Variants in SCUBE1 observed in about 807,000 individuals in gnomAD.
The protein encoded by SCUBE1 is signal peptide, CUB domain and EGF like domain containing 1.
In SCUBE1, 59 loss-of-function variants were observed where a neutral mutation model predicts 124.4. The ratio of observed to expected loss-of-function variants is 0.47; its 90% CI spans 0.38 to 0.59. The LOEUF is 0.59. Among genes scored for constraint, SCUBE1 ranks in the 20% least tolerant of loss-of-function variants. SCUBE1 has a pLI of 0.00. For synonymous variants in SCUBE1, 545 were observed against 550.9 expected (o/e 0.99, Z 0.15); for missense variants, 1,150 against 1,371.2 (o/e 0.84, Z 2.55).
At chr22:43,220,403 G>A (rs781342566) in intron 14 of SCUBE1, 47 bp downstream of exon 14, 25 of 1,592,624 alleles carry the variant, frequency 1.6e-5, no homozygotes, top group African/African-American at 2.7e-5. Context: ...CCAGCCTGTC[G>A]TCCTCCTTCA....
chr22:43,302,396 C>G (rs1925807696), intron 3 of SCUBE1, among the ~76,000 whole-genome samples: 1 of 152,194 alleles, frequency 6.6e-6, no homozygotes, highest in African/African-American at 2.4e-5. Flanking sequence ...TCTGGAGACA[C>G]AGTGGGATCC....
At chr22:43,257,922 CAGGACG>C (rs1244286361) in intron 6 of SCUBE1, among the ~76,000 whole-genome samples, 4 of 152,224 alleles carry the variant, frequency 2.6e-5, no homozygotes, top group Non-Finnish European at 5.9e-5. Context: ...CCCTCACTTC[CAGGACG>C]AGGACGTGCA....
At position 43,202,917 on chromosome 22, in the gene SCUBE1, T is replaced by G. The variant is rs914220526; in HGVS notation, c.*1080A>C. 1 of 152,330 alleles carries G rather than the reference T, an allele frequency of 6.6e-6. No individual in the cohort carries two copies. Among genetic ancestry groups the G allele is most frequent in the African/African-American group, 2.4e-5 (1 of 41,474 alleles). 9.4% of individuals were successfully genotyped at this position (152,330 alleles called of 1,614,324 possible). ...CTGTGAGCAAGGCCTTGTTTCCTGCTGACACCTGGGCATAGTACGGACCCC... is the reference window on the plus strand; with the variant it reads ...CTGTGAGCAAGGCCTTGTTTCCTGCGGACACCTGGGCATAGTACGGACCCC... On this transcript the variant is annotated 3_prime_UTR_variant, in exon 22 of 22. Coordinates refer to ENST00000360835, the MANE Select transcript of SCUBE1 (RefSeq NM_173050.5).
At position 43,211,269 on chromosome 22, in the gene SCUBE1, C is replaced by T. The variant is rs1410753271; in HGVS notation, c.2222-186G>A. ...CGCCATGGCCAGGAAGAGCCCTTGGCGTGGGGGTCACATGGCAGATTGATG... is the reference window on the plus strand; with the variant it reads ...CGCCATGGCCAGGAAGAGCCCTTGGTGTGGGGGTCACATGGCAGATTGATG... On this transcript the variant is annotated intron_variant, in intron 17 of 21. Transcript: ENST00000360835. This position sits in a 1 kb window ranked among gnomAD's most constrained non-coding sequence, Gnocchi z 4.5. Among the ~76,000 whole-genome samples, 3 of 152,126 alleles carry T rather than the reference C, an allele frequency of 2.0e-5. No individual in the cohort carries two copies. The highest frequency in any genetic ancestry group is 1.9e-4 in the East Asian group (1 of 5,190).
intron 15 of SCUBE1, 99 bp downstream of exon 15, chr22:43,218,156 C>T (rs751908189): frequency 4.4e-6 from 5 of 1,141,718 alleles, no homozygotes; most frequent in African/African-American, 1.5e-5. Context: ...GTCCCCTCCC[C>T]AGGTGTCTGT....
At chr22:43,214,364 C>T in intron 15 of SCUBE1, 113 bp from the exon 16 acceptor site, 2 of 1,102,394 alleles carry the variant, frequency 1.8e-6, no homozygotes, top group Non-Finnish European at 2.5e-6. Context: ...TCCCCTGGGG[C>T]CCCAAGGACA....
intron 3 of SCUBE1, among the ~76,000 whole-genome samples, chr22:43,299,784 T>C (rs1371980936): frequency 1.3e-5 from 2 of 152,212 alleles, no homozygotes; most frequent in African/African-American, 4.8e-5. Context: ...TTTCGGTTAG[T>C]CCCAATTCCT....
chr22:43,256,823 G>A (rs933337667), intron 6 of SCUBE1, among the ~76,000 whole-genome samples: 1 of 152,238 alleles, frequency 6.6e-6, no homozygotes, highest in Admixed American at 6.5e-5. Flanking sequence ...CCGGACAGTG[G>A]AGGGAGAGAG....
At chr22:43,213,585 C>T (rs1383460895) in intron 16 of SCUBE1, 2 of 152,328 alleles carry the variant, frequency 1.3e-5, no homozygotes, top group Non-Finnish European at 2.9e-5. Context: ...CTTTGCAAAC[C>T]TAACTGCATT....
At chr22:43,257,584 C>T (rs950804814) in intron 6 of SCUBE1, among the ~76,000 whole-genome samples, 3 of 152,132 alleles carry the variant, frequency 2.0e-5, no homozygotes, top group Middle Eastern at 3.2e-3. Flanking sequence ...GGGGCAGCGG[C>T]GGGAAGAGCG....
chr22:43,320,152 G>T, intron 2 of SCUBE1, 87 bp from the exon 3 acceptor site: 1 of 1,506,648 alleles, frequency 6.6e-7, no homozygotes, highest in South Asian at 1.2e-5. Flanking sequence ...GGATCTGAGT[G>T]ATTAGGGGAT....
chr22:43,284,604 C>A (rs1429819297), intron 4 of SCUBE1, among the ~76,000 whole-genome samples: 1 of 152,222 alleles, frequency 6.6e-6, no homozygotes, highest in Non-Finnish European at 1.5e-5. Flanking sequence ...CACTGGCAAC[C>A]CTGCAGTTCC....
At chr22:43,236,934 G>T (rs1451101626) in intron 7 of SCUBE1, among the ~76,000 whole-genome samples, 1 of 152,240 alleles carries the variant, frequency 6.6e-6, no homozygotes, top group African/African-American at 2.4e-5. Context: ...CCGTGAGCGA[G>T]CGAGTGAGAT....
chr22:43,208,799 G>A lies in SCUBE1; in HGVS notation c.2582-575C>T, dbSNP rs551487861. 7.5e-4 allele frequency among the ~76,000 whole-genome samples: 115 copies of A among 152,350 alleles called. 1 individual carries two copies. Among genetic ancestry groups the A allele is most frequent in the African/African-American group, 2.5e-3 (106 of 41,592 alleles). On this transcript the variant is annotated intron_variant, in intron 19 of 21. Transcript: ENST00000360835. ...TGGGTACAGCATGTGACCGGCAGGT[G>A]AATCTTCCCAAACTCTGCAAACCAT...
chr22:43,317,753 C>A (rs1405256866), intron 3 of SCUBE1, among the ~76,000 whole-genome samples: 1 of 152,180 alleles, frequency 6.6e-6, no homozygotes, highest in Non-Finnish European at 1.5e-5. Flanking sequence ...GAATTATGTC[C>A]CTTCAAAAGA....
At chr22:43,343,111 G>C in intron 1 of SCUBE1, 63 bp downstream of exon 1, 1 of 828,972 alleles carries the variant, frequency 1.2e-6, no homozygotes, top group Non-Finnish European at 1.5e-6. Flanking sequence ...AGCCCTCCGG[G>C]ACCGCGCCTC....
intron 6 of SCUBE1, among the ~76,000 whole-genome samples, chr22:43,256,015 A>ACAAGGCACAGGG (rs1392338565): frequency 6.6e-6 from 1 of 152,162 alleles, no homozygotes; most frequent in African/African-American, 2.4e-5. Context: ...AAGGCACAGG[A>ACAAGGCACAGGG]CAAGGGGACA....
chr22:43,257,046 A>C (rs1009811095), intron 6 of SCUBE1, among the ~76,000 whole-genome samples: 5 of 152,284 alleles, frequency 3.3e-5, no homozygotes, highest in African/African-American at 9.6e-5. Flanking sequence ...ATGAAATAAA[A>C]AATGGTTGTC....
chr22:43,198,463 C>G lies in SCUBE1; in HGVS notation c.*5534G>C, dbSNP rs1441014458. 2.3e-6 allele frequency: 1 copy of G among 434,122 alleles called. No homozygotes were observed. Among genetic ancestry groups the G allele is most frequent in the Admixed American group, 2.4e-5 (1 of 41,638 alleles). The allele number at this position is 434,122 out of a possible 1,614,324, so 26.9% of individuals were successfully genotyped here. Reference sequence around the variant, plus strand: ...CAGGCCAACCCCAGCTCTGCCTGCCCAGGACTTACTCCTGGAAGGGCCAGG... The same window carrying G: ...CAGGCCAACCCCAGCTCTGCCTGCCGAGGACTTACTCCTGGAAGGGCCAGG... On this transcript the variant is annotated 3_prime_UTR_variant, in exon 22 of 22. Transcript: ENST00000360835.
Sources: gnomAD v4.1 joint callset for allele counts (sites outside exome capture counted in the v4.1 genomes callset) on GRCh38, gnomAD v4.1.1 for gene constraint, Gnocchi (gnomAD v3.1) non-coding constraint, MANE v1.5 for transcripts, NCBI Gene and HGNC (gene_info 2026-07-23, HGNC 2026-07-21) for gene names.